KIAA0513: variants seen among roughly 807,000 people sequenced by gnomAD.
KIAA0513 encodes the protein uncharacterized protein KIAA0513.
KIAA0513 carries 39 observed loss-of-function variants against 56.5 expected under a neutral mutation model. The ratio of observed to expected loss-of-function variants is 0.69; its 90% CI spans 0.53 to 0.90. The LOEUF is 0.90. Ranked by LOEUF, KIAA0513 falls within the 40% of genes least tolerant of loss-of-function variation. The pLI is 0.00. For missense variants in KIAA0513, 591 were observed against 535.2 expected (o/e 1.10, Z -1.03); for synonymous variants, 268 against 215.6 (o/e 1.24, Z -2.13).
intron 1 of KIAA0513, among the ~76,000 whole-genome samples, chr16:85,028,059 C>T (rs1467828134): frequency 6.6e-6 from 1 of 152,120 alleles, no homozygotes; most frequent in South Asian, 2.1e-4. Context: ...GGCCGGGGTT[C>T]TCCGCGGGCT....
intron 1 of KIAA0513, among the ~76,000 whole-genome samples, chr16:85,038,023 G>C (rs2073057349): frequency 6.6e-6 from 1 of 152,218 alleles, no homozygotes; most frequent in Non-Finnish European, 1.5e-5. Flanking sequence ...TTCCCCAGGT[G>C]TAAACCCTCT....
rs1188620786 is a variant in KIAA0513 at position 85,093,334 on chromosome 16, G to A, written c.*5009G>A. 1 of 152,170 alleles carries A rather than the reference G, an allele frequency of 6.6e-6. No homozygotes were observed. Among genetic ancestry groups the A allele is most frequent in the Admixed American group, 6.6e-5 (1 of 15,264 alleles). The allele number at this position is 152,170 out of a possible 1,614,324, so 9.4% of individuals were successfully genotyped here. ...TATCCAAGGGGAGAGACGATGGGCT[G>A]GGTTTGTTTACTCCAACTTCCCTTC... On this transcript the variant is annotated 3_prime_UTR_variant, in exon 13 of 13. Coordinates refer to ENST00000683363, the MANE Select transcript of KIAA0513 (RefSeq NM_001388359.1).
intron 1 of KIAA0513, among the ~76,000 whole-genome samples, chr16:85,034,895 G>A (rs2073013739): frequency 6.6e-6 from 1 of 152,176 alleles, no homozygotes; most frequent in Non-Finnish European, 1.5e-5. Flanking sequence ...TCTGGACCTG[G>A]GTTCTTTGCC....
rs772501115 is a variant in KIAA0513 at position 85,081,794 on chromosome 16, G to A, written c.980+402G>A. Among the ~76,000 whole-genome samples, 8 of 152,334 alleles carry A rather than the reference G, an allele frequency of 5.3e-5. No homozygotes were observed. The highest frequency in any genetic ancestry group is 1.0e-4 in the Non-Finnish European group (7 of 68,028). On this transcript the variant is annotated intron_variant, in intron 9 of 12. Transcript: ENST00000683363. This position sits in a 1 kb window ranked among gnomAD's most constrained non-coding sequence, Gnocchi z 4.4. ...CCCGAGACTGCCCTCGAGAGCTGGC[G>A]CCTGGGGAATGCAGTTGCCGCTCGC...
At position 85,067,228 on chromosome 16, in the gene KIAA0513, A is replaced by G; in HGVS notation, c.157A>G (p.Ser53Gly). 6.2e-7 allele frequency: 1 copy of G among 1,614,190 alleles called. No homozygotes were observed. The highest frequency in any genetic ancestry group is 2.2e-5 in the East Asian group (1 of 44,884). The change falls in exon 2 of 13, where the codon AGT (serine) becomes GGT (glycine). Residue 53 changes from serine to glycine, a missense_variant. Transcript: ENST00000683363. ...SESETTESAD[S>G]ENDMGESPSH... is the part of the protein sequence containing the mutation. ...GAGTGAGACCACTGAGTCTGCGGAC[A>G]GTGAGAATGACATGGGCGAGTCGCC...
chr16:85,072,188 C>T (rs2073587303), intron 3 of KIAA0513, among the ~76,000 whole-genome samples: 1 of 151,992 alleles, frequency 6.6e-6, no homozygotes. Flanking sequence ...TCCCCCCTCC[C>T]CGCATCTCTA....
chr16:85,086,571 C>A, intron 10 of KIAA0513, 73 bp from the exon 11 acceptor site: 1 of 1,452,180 alleles, frequency 6.9e-7, no homozygotes, highest in South Asian at 1.2e-5. Flanking sequence ...ACCTGCGGGT[C>A]AGAACAGGGC....
chr16:85,071,684 A>G (rs113470931), intron 2 of KIAA0513, 99 bp from the exon 3 acceptor site: 8 of 972,424 alleles, frequency 8.2e-6, no homozygotes, highest in Non-Finnish European at 1.2e-5. Flanking sequence ...TGGCTGGGGA[A>G]TATTTCGTTA....
intron 10 of KIAA0513, among the ~76,000 whole-genome samples, chr16:85,085,908 G>A (rs1384168572): frequency 6.6e-6 from 1 of 152,224 alleles, no homozygotes; most frequent in Non-Finnish European, 1.5e-5. Flanking sequence ...CCTGGGTGCT[G>A]TCTTCACCAT....
intron 1 of KIAA0513, among the ~76,000 whole-genome samples, chr16:85,038,221 C>T (rs141377237): frequency 6.6e-6 from 1 of 152,190 alleles, no homozygotes; most frequent in African/African-American, 2.4e-5. Context: ...TTGACTTTGC[C>T]TCTTCCCTGG....
chr16:85,082,440 T>A lies in KIAA0513; in HGVS notation c.981-124T>A, dbSNP rs1454121490. 4 of 897,078 alleles carry A rather than the reference T, an allele frequency of 4.5e-6. No homozygotes were observed. The East Asian group carries it at 7.5e-5, about 17-fold the overall frequency. 55.6% of individuals were successfully genotyped at this position (897,078 alleles called of 1,614,324 possible). A position where few individuals can be genotyped will look rare whatever the true frequency, so the allele number is the denominator to read the frequency against. ...TGAATTTATTTCGAATATTCCTGTC[T>A]TTCTCTGTCCCGCTCCGTTTCTGCC... On this transcript the variant is annotated intron_variant, in intron 9 of 12. Coordinates refer to ENST00000683363, the MANE Select transcript of KIAA0513 (RefSeq NM_001388359.1).
chr16:85,072,567 A>C (rs2073593339), intron 3 of KIAA0513, among the ~76,000 whole-genome samples: 1 of 152,202 alleles, frequency 6.6e-6, no homozygotes, highest in Admixed American at 6.5e-5. Context: ...TAGAAAATGC[A>C]GATGAGCAAA....
At chr16:85,082,499 C>A in intron 9 of KIAA0513, 65 bp from the exon 10 acceptor site, 1 of 1,518,466 alleles carries the variant, frequency 6.6e-7, no homozygotes, top group Non-Finnish European at 9.1e-7. Flanking sequence ...TCTCTTTTTA[C>A]CATCCACATA....
intron 2 of KIAA0513, among the ~76,000 whole-genome samples, chr16:85,068,680 T>C (rs1273533408): frequency 6.6e-6 from 1 of 152,122 alleles, no homozygotes; most frequent in African/African-American, 2.4e-5. Flanking sequence ...TTGGCCAGGC[T>C]GGTCTCGAAC....
intron 1 of KIAA0513, among the ~76,000 whole-genome samples, chr16:85,037,185 G>C (rs919370565): frequency 6.6e-6 from 1 of 152,014 alleles, no homozygotes; most frequent in African/African-American, 2.4e-5. Context: ...GGTGTGTTTG[G>C]AGACATTTTC....
chr16:85,055,528 G>C (rs903537194), intron 1 of KIAA0513, among the ~76,000 whole-genome samples: 2 of 152,144 alleles, frequency 1.3e-5, no homozygotes, highest in Non-Finnish European at 2.9e-5. Flanking sequence ...CAATCTCCCT[G>C]ATCTCTGAGT....
At chr16:85,067,642 C>T (rs1015538753) in intron 2 of KIAA0513, among the ~76,000 whole-genome samples, 3 of 152,170 alleles carry the variant, frequency 2.0e-5, no homozygotes, top group Admixed American at 1.3e-4. Flanking sequence ...TATATCAGTT[C>T]TCTAGGGTGA....
At chr16:85,048,927 G>A (rs2073209098) in intron 1 of KIAA0513, among the ~76,000 whole-genome samples, 1 of 152,200 alleles carries the variant, frequency 6.6e-6, no homozygotes, top group Admixed American at 6.5e-5. Flanking sequence ...AGGGAGGTGG[G>A]GAGTGTGGTG....
chr16:85,073,609 G>A (rs1004153874), intron 4 of KIAA0513, among the ~76,000 whole-genome samples: 3 of 152,200 alleles, frequency 2.0e-5, no homozygotes, highest in Non-Finnish European at 4.4e-5. Flanking sequence ...TGACTCTCTG[G>A]GGTCAACAGA....
Sources: allele counts gnomAD v4.1 joint callset (sites outside exome capture counted in the v4.1 genomes callset), GRCh38; gene constraint gnomAD v4.1.1; non-coding constraint Gnocchi (gnomAD v3.1); transcripts MANE v1.5; gene names NCBI Gene and HGNC (gene_info 2026-07-23, HGNC 2026-07-21).